The following TAB2 variants were observed in gnomAD, a reference collection of about 807,000 sequenced individuals.
TAB2 encodes TGF-beta-activated kinase 1 and MAP3K7-binding protein 2.
TAB2 carries 3 observed loss-of-function variants against 65.0 expected under a neutral mutation model. The ratio of observed to expected loss-of-function variants is 0.05; its 90% CI spans 0.02 to 0.12. The LOEUF (loss-of-function observed/expected upper bound fraction) is 0.12, where lower values mean the gene tolerates loss of function less well. TAB2 is among the 10% of genes least tolerant of loss of function. The pLI is 1.00. For synonymous variants in TAB2, 298 were observed against 285.1 expected (o/e 1.05, Z -0.46); for missense variants, 623 against 840.3 (o/e 0.74, Z 3.20).
At chr6:149,239,685 C>T (rs1335156267) in intron 1 of TAB2, among the ~76,000 whole-genome samples, 1 of 152,148 alleles carries the variant, frequency 6.6e-6, no homozygotes, top group African/African-American at 2.4e-5. Context: ...GGTGAATTAT[C>T]TCCTGAACTT....
At chr6:149,313,899 C>A (rs553685338), upstream of TAB2, among the ~76,000 whole-genome samples, 4 of 152,296 alleles carry the variant, frequency 2.6e-5, no homozygotes, top group South Asian at 8.3e-4. Flanking sequence ...GATGATCTCT[C>A]TTCTTCTGGA....
intron 1 of TAB2, among the ~76,000 whole-genome samples, chr6:149,341,172 A>G (rs1245686178): frequency 6.6e-6 from 1 of 152,160 alleles, no homozygotes; most frequent in Non-Finnish European, 1.5e-5. Context: ...CTTTACTTGG[A>G]AAGAGAATTA....
At chr6:149,394,459 A>G (rs1488751192) in intron 3 of TAB2, among the ~76,000 whole-genome samples, 1 of 152,072 alleles carries the variant, frequency 6.6e-6, no homozygotes, top group East Asian at 1.9e-4. Context: ...CTTGATGATG[A>G]ATTACATTTT....
chr6:149,374,051 C>T (rs116989619), intron 2 of TAB2, among the ~76,000 whole-genome samples: 2,289 of 152,192 alleles, frequency 0.015, 53 homozygotes, highest in South Asian at 0.096. Context: ...TATAATGATA[C>T]TAAAAATAAA....
chr6:149,392,511 G>T (rs1258051795), intron 3 of TAB2, among the ~76,000 whole-genome samples: 1 of 152,112 alleles, frequency 6.6e-6, no homozygotes, highest in African/African-American at 2.4e-5. Flanking sequence ...CTGTGTTCTG[G>T]CCCTTTCCTA....
chr6:149,249,570 GTC>G (rs975696008), intron 1 of TAB2, among the ~76,000 whole-genome samples: 3 of 149,940 alleles, frequency 2.0e-5, no homozygotes, highest in Non-Finnish European at 4.5e-5. Context: ...CTCTCTTTCT[GTC>G]TCTCTGTCTC....
chr6:149,391,836 C>T (rs371744718), intron 3 of TAB2, among the ~76,000 whole-genome samples: 16 of 152,252 alleles, frequency 1.1e-4, no homozygotes, highest in African/African-American at 3.4e-4. Flanking sequence ...CCATCATACC[C>T]GGCCCCTCCT....
intron 3 of TAB2, among the ~76,000 whole-genome samples, chr6:149,395,131 T>G (rs540590313): frequency 6.8e-6 from 1 of 147,646 alleles, no homozygotes; most frequent in South Asian, 2.5e-4. Context: ...GGGCAAGGAT[T>G]TTTTCCTATT....
intron 1 of TAB2, among the ~76,000 whole-genome samples, chr6:149,251,726 A>C (rs1374371476): frequency 6.6e-6 from 1 of 152,170 alleles, no homozygotes; most frequent in Non-Finnish European, 1.5e-5. Context: ...CATTTATAAA[A>C]AGTTAAGCAC....
intron 1 of TAB2, among the ~76,000 whole-genome samples, chr6:149,330,493 A>G (rs1356373335): frequency 6.6e-6 from 1 of 152,188 alleles, no homozygotes; most frequent in Admixed American, 6.5e-5. Context: ...CCAGTCTAAT[A>G]GTATGTAGTG....
chr6:149,351,981 T>G (rs1161027102), intron 1 of TAB2, among the ~76,000 whole-genome samples: 2 of 152,180 alleles, frequency 1.3e-5, no homozygotes, highest in Non-Finnish European at 2.9e-5. Context: ...ACTCTTTTCT[T>G]CTCTTCAGGA....
intron 1 of TAB2, among the ~76,000 whole-genome samples, chr6:149,254,059 GAGGAAGGAAGGAAGGA>G (rs202028741): frequency 0.055 from 5,733 of 103,688 alleles, 251 homozygotes; most frequent in African/African-American, 0.11. Context: ...GGGAGAGAGG[GAGGAAGGAAGGAAGGA>G]AGGAAGGAAG....
chr6:149,388,431 A>G (rs1435951816), intron 3 of TAB2, among the ~76,000 whole-genome samples: 1 of 152,220 alleles, frequency 6.6e-6, no homozygotes, highest in Non-Finnish European at 1.5e-5. Context: ...ATGACTGCCA[A>G]TAAATGTTGC....
intron 1 of TAB2, among the ~76,000 whole-genome samples, chr6:149,302,965 G>T (rs181080713): frequency 2.0e-5 from 3 of 152,358 alleles, no homozygotes; most frequent in Admixed American, 2.0e-4. Flanking sequence ...CCTCCTGTCA[G>T]GTCAGTGGTA....
At chr6:149,321,220 A>C (rs1468783584) in intron 1 of TAB2, 1 of 152,212 alleles carries the variant, frequency 6.6e-6, no homozygotes, top group Admixed American at 6.5e-5. Context: ...TAAAATGATA[A>C]GGATTTGGAG....
At chr6:149,358,672 G>GTGTGTGTGTGTGTGTGTGTGTGTT (rs1210676011) in intron 1 of TAB2, among the ~76,000 whole-genome samples, 12 of 151,228 alleles carry the variant, frequency 7.9e-5, no homozygotes, top group Non-Finnish European at 1.6e-4. Flanking sequence ...GTGTGTGTGT[G>GTGTGTGTGTGTGTGTGTGTGTGTT]TTTTCAGTAT....
chr6:149,277,034 T>C (rs2114681818), intron 1 of TAB2, among the ~76,000 whole-genome samples: 1 of 152,330 alleles, frequency 6.6e-6, no homozygotes, highest in Admixed American at 6.5e-5. Flanking sequence ...CACTTGGCTC[T>C]CATTCTCTCT....
At chr6:149,306,593 C>G (rs577565230) in intron 1 of TAB2, among the ~76,000 whole-genome samples, 26 of 150,788 alleles carry the variant, frequency 1.7e-4, no homozygotes, top group Non-Finnish European at 2.8e-4. Flanking sequence ...AAAAAAAACA[C>G]ACACACAAAT....
At chr6:149,336,382 C>T (rs1779936189) in intron 1 of TAB2, among the ~76,000 whole-genome samples, 1 of 152,090 alleles carries the variant, frequency 6.6e-6, no homozygotes, top group South Asian at 2.1e-4. Flanking sequence ...TTTTCTGGTA[C>T]TCGAAGTTGC....
Sources: gnomAD v4.1 joint callset for allele counts (sites outside exome capture counted in the v4.1 genomes callset) on GRCh38, gnomAD v4.1.1 for gene constraint, MANE v1.5 for transcripts, NCBI Gene and HGNC (gene_info 2026-07-23, HGNC 2026-07-21) for gene names.